The following PEX11B variants were observed in gnomAD, a reference collection of about 807,000 sequenced individuals.
PEX11B encodes the protein peroxisomal membrane protein 11B.
Under a neutral mutation model 28.2 loss-of-function variants are expected in PEX11B, and 18 were observed. That is an observed-to-expected ratio of 0.64 (90% CI 0.44 to 0.95). The LOEUF (loss-of-function observed/expected upper bound fraction) is 0.95. Ranked by LOEUF, PEX11B falls within the 40% of genes least tolerant of loss-of-function variation. The pLI is 0.00. For synonymous variants in PEX11B, 128 were observed against 128.7 expected, an observed-to-expected ratio of 0.99 and a Z score of 0.04; for missense variants, 305 against 319.8, an observed-to-expected ratio of 0.95 and a Z score of 0.35.
chr1:145,913,281 C>A (rs1409089253), intron 3 of PEX11B, among the ~76,000 whole-genome samples: 2 of 151,966 alleles, frequency 1.3e-5, no homozygotes, highest in African/African-American at 4.8e-5. Flanking sequence ...TATTTGAAAT[C>A]TGCCAGGAAG....
intron 3 of PEX11B, among the ~76,000 whole-genome samples, chr1:145,915,634 CT>C (rs587607174): frequency 0.01 from 1,420 of 137,308 alleles, 15 homozygotes; most frequent in African/African-American, 0.032. Flanking sequence ...CTTTTCTTTT[CT>C]TTTTTTTTTT....
chr1:145,917,853 C>T (rs781964918), intron 1 of PEX11B, 37 bp from the exon 2 acceptor site: 2 of 1,491,732 alleles, frequency 1.3e-6, no homozygotes, highest in East Asian at 2.3e-5. Flanking sequence ...GTGGAGACCT[C>T]CCTAACCTTC....
chr1:145,917,822 G>A lies in PEX11B; in HGVS notation c.57-6C>T, dbSNP rs1553754192. 3 of 1,593,710 alleles carry A rather than the reference G, an allele frequency of 1.9e-6. No individual in the cohort carries two copies. Among genetic ancestry groups the A allele is most frequent in the South Asian group, 2.2e-5 (2 of 90,700 alleles). On this transcript the variant is annotated splice_polypyrimidine_tract_variant and splice_region_variant and intron_variant, in intron 1 of 3. Transcript: ENST00000369306. ...AGCAAGCATACTGGGCGGCCCTAGAGGAGAGGGCAGGCAAGGTAAGGTGGA... is the reference window on the plus strand; with the variant it reads ...AGCAAGCATACTGGGCGGCCCTAGAAGAGAGGGCAGGCAAGGTAAGGTGGA...
At chr1:145,918,031 T>C in intron 1 of PEX11B, 1 of 984,796 alleles carries the variant, frequency 1.0e-6, no homozygotes, top group Non-Finnish European at 1.2e-6. Context: ...CACTATTGAA[T>C]GTTGAGCAAA....
At position 145,912,020 on chromosome 1, in the gene PEX11B, C is replaced by A; in HGVS notation, c.*141G>T. 1 of 601,184 alleles carries A rather than the reference C, an allele frequency of 1.7e-6. No individual in the cohort carries two copies. Among genetic ancestry groups the A allele is most frequent in the Non-Finnish European group, 2.7e-6 (1 of 370,408 alleles). The allele number at this position is 601,184 out of a possible 1,614,324, so 37.2% of individuals were successfully genotyped here. A position where few individuals can be genotyped will look rare whatever the true frequency, so the allele number is the denominator to read the frequency against. On this transcript the variant is annotated 3_prime_UTR_variant, in exon 4 of 4. Transcript: ENST00000369306. ...GTCATCTTTCCTTACCTCATCTTCC[C>A]CAAAGCTCTTCCTCCACCCCTAAAT...
At chr1:145,916,777 G>A (rs200846936) in intron 3 of PEX11B, 40 bp downstream of exon 3, 2 of 1,401,112 alleles carry the variant, frequency 1.4e-6, no homozygotes, top group African/African-American at 1.4e-5. Context: ...CAATATAGAG[G>A]CTACAAAAAA....
At chr1:145,915,364 C>T (rs1255389469) in intron 3 of PEX11B, among the ~76,000 whole-genome samples, 1 of 152,178 alleles carries the variant, frequency 6.6e-6, no homozygotes, top group Admixed American at 6.5e-5. Context: ...CCTCTGCTCC[C>T]ACCCCTCATA....
rs781924210 is a variant in PEX11B, at chr1:145,917,737, G to A, written c.136C>T (p.Arg46Ter). 6 of 1,612,164 alleles carry A rather than the reference G, an allele frequency of 3.7e-6. No homozygotes were observed. Among genetic ancestry groups the A allele is most frequent in the African/African-American group, 1.3e-5 (1 of 75,010 alleles). The change falls in exon 2 of 4, where the codon CGA becomes TGA. Residue 46 changes from arginine to a stop codon, truncating the protein, a stop_gained. Transcript: ENST00000369306. LOFTEE classifies it high-confidence loss of function. ...AGGCTCAGGTGGCTCTCCAGTTGTC[G>A]AATCTGTTTCTGTAACTCAGGACTG... ...GASPELQKQI[R>*]QLESHLSLGR...
chr1:145,916,874 C>G lies in PEX11B; in HGVS notation c.317G>C (p.Gly106Ala). 6.2e-7 allele frequency: 1 copy of G among 1,614,148 alleles called. No homozygotes were observed. Among genetic ancestry groups the G allele is most frequent in the Admixed American group, 1.7e-5 (1 of 60,020 alleles). Residue 106 changes from glycine (G) to alanine (A), a missense_variant, in exon 3 of 4, where the codon GGA becomes GCA. Gly to Ala is a moderately conservative substitution (Grantham distance 60, BLOSUM62 0). Transcript: ENST00000369306. ...YFACDNVLWA[G>A]KSGLAPRVDQ... ...CACACGGGGAGCCAGTCCAGACTTTCCAGCCCACAGGACATTGTCACAGGC... is the reference window on the plus strand; with the variant it reads ...CACACGGGGAGCCAGTCCAGACTTTGCAGCCCACAGGACATTGTCACAGGC...
intron 2 of PEX11B, 148 bp from the exon 3 acceptor site, chr1:145,917,166 C>T: frequency 1.6e-6 from 1 of 619,782 alleles, no homozygotes; most frequent in Non-Finnish European, 2.9e-6. Context: ...CATGGTGGCT[C>T]AAGCCTGTAA....
At chr1:145,918,385 T>G (rs923588889) in intron 1 of PEX11B, 10 of 1,535,696 alleles carry the variant, frequency 6.5e-6, no homozygotes, top group African/African-American at 1.4e-5. Flanking sequence ...GTCGGTCTTA[T>G]GTGGACACAG....
chr1:145,914,034 T>A (rs1484487272), intron 3 of PEX11B, among the ~76,000 whole-genome samples: 46 of 152,200 alleles, frequency 3.0e-4, no homozygotes, highest in South Asian at 4.1e-4. Context: ...TATTTTCATA[T>A]AATAGCTAGC....
chr1:145,917,085 CAG>C (rs1647425250), intron 2 of PEX11B, 67 bp from the exon 3 acceptor site: 1 of 1,066,540 alleles, frequency 9.4e-7, no homozygotes, highest in South Asian at 1.3e-5. Flanking sequence ...GAAACAGAAA[CAG>C]AGAAAGCAAG....
At chr1:145,913,951 T>G (rs1347551651) in intron 3 of PEX11B, among the ~76,000 whole-genome samples, 3 of 152,152 alleles carry the variant, frequency 2.0e-5, no homozygotes, top group African/African-American at 7.2e-5. Flanking sequence ...CACTAACATC[T>G]CTTGTCTGGA....
rs1325661466 is a variant in PEX11B, at chr1:145,918,332, G to C, written c.56+301C>G. The stretch of plus-strand genomic sequence containing the variant: ...GGCAGAGTCTGGGGCTATCCACCGT[G>C]GGGCGAATGCTCCTCATTCCATCAC... On this transcript the variant is annotated intron_variant, in intron 1 of 3. Transcript: ENST00000369306. The C allele has an allele frequency of 5.3e-6, 8 of 1,510,936 alleles. No homozygotes were observed. The African/African-American group carries it at 1.1e-4, about 21-fold the overall frequency. The allele number at this position is 1,510,936 out of a possible 1,614,324, so 93.6% of individuals were successfully genotyped here.
chr1:145,918,523 C>G, intron 1 of PEX11B, 110 bp downstream of exon 1: 1 of 1,541,206 alleles, frequency 6.5e-7, no homozygotes. Flanking sequence ...CCCCCGTAGC[C>G]GGAGTTGACC....
chr1:145,913,620 C>CAA (rs1553753511), intron 3 of PEX11B, among the ~76,000 whole-genome samples: 4 of 147,410 alleles, frequency 2.7e-5, no homozygotes, highest in Non-Finnish European at 4.4e-5. Flanking sequence ...CACACACACA[C>CAA]ACACACACTC....
intron 2 of PEX11B, 90 bp from the exon 3 acceptor site, chr1:145,917,108 T>A: frequency 1.2e-6 from 1 of 851,196 alleles, no homozygotes; most frequent in South Asian, 1.4e-5. Context: ...AGGGCAAAAG[T>A]TGAGCAATAA....
At position 145,912,133 on chromosome 1, in the gene PEX11B, G is replaced by C. The variant is rs781877482; in HGVS notation, c.*28C>G. The stretch of plus-strand genomic sequence containing the variant: ...TCTAAGATTCCATCTCACCAATTCA[G>C]GTCCCCTCCTTATCCTGTACCGGAA... On this transcript the variant is annotated 3_prime_UTR_variant, in exon 4 of 4. Transcript: ENST00000369306. The C allele has an allele frequency of 6.6e-7, 1 of 1,506,254 alleles. No individual in the cohort carries two copies. Among genetic ancestry groups the C allele is most frequent in the East Asian group, 2.4e-5 (1 of 42,256 alleles). 93.3% of individuals were successfully genotyped at this position (1,506,254 alleles called of 1,614,324 possible). A position where few individuals can be genotyped will look rare whatever the true frequency, so the allele number is the denominator to read the frequency against.
Sources: gnomAD v4.1 joint callset for allele counts (sites outside exome capture counted in the v4.1 genomes callset) on GRCh38, gnomAD v4.1.1 for gene constraint, MANE v1.5 for transcripts, NCBI Gene and HGNC (gene_info 2026-07-23, HGNC 2026-07-21) for gene names.